Variants in TP63 observed in about 807,000 individuals in gnomAD.
TP63 encodes the protein tumor protein 63.
TP63 carries 17 observed loss-of-function variants against 82.8 expected under a neutral mutation model. The observed-to-expected ratio is 0.21, with a 90% CI of 0.14 to 0.31. The LOEUF is 0.31. Among genes scored for constraint, TP63 ranks in the 10% least tolerant of loss-of-function variants. TP63 has a pLI of 1.00. For synonymous variants in TP63, 330 were observed against 321.7 expected, an observed-to-expected ratio of 1.03 and a Z score of -0.28; for missense variants, 648 against 895.3, an observed-to-expected ratio of 0.72 and a Z score of 3.52.
chr3:189,771,302 A>T (rs866595011), intron 3 of TP63, among the ~76,000 whole-genome samples: 15 of 123,376 alleles, frequency 1.2e-4, no homozygotes, highest in East Asian at 9.9e-4. Flanking sequence ...TATTATATTT[A>T]TATATATAAT....
intron 3 of TP63, among the ~76,000 whole-genome samples, chr3:189,785,818 G>GA (rs373738900): frequency 2.4e-4 from 36 of 152,168 alleles, no homozygotes; most frequent in African/African-American, 8.4e-4. Context: ...GAAAGATGAA[G>GA]TTATATAGTG....
chr3:189,886,337 T>G, intron 10 of TP63, 57 bp from the exon 11 acceptor site: 1 of 1,578,492 alleles, frequency 6.3e-7, no homozygotes, highest in Non-Finnish European at 8.7e-7. Flanking sequence ...TGAAAATCAA[T>G]AGTCCCCACT....
At chr3:189,681,215 C>T (rs1474337939) in intron 1 of TP63, among the ~76,000 whole-genome samples, 2 of 149,456 alleles carry the variant, frequency 1.3e-5, no homozygotes, top group African/African-American at 4.9e-5. Context: ...TCTTTTCTTA[C>T]TTCTGTGCTC....
chr3:189,887,382 C>G (rs1327165130), intron 11 of TP63, among the ~76,000 whole-genome samples: 1 of 152,114 alleles, frequency 6.6e-6, no homozygotes, highest in African/African-American at 2.4e-5. Flanking sequence ...CTTTTAAACT[C>G]ACCTATTCTA....
At chr3:189,874,947 G>C (rs963734226) in intron 10 of TP63, among the ~76,000 whole-genome samples, 1 of 148,900 alleles carries the variant, frequency 6.7e-6, no homozygotes, top group African/African-American at 2.5e-5. Context: ...AATATATCAT[G>C]CTGAACTAGT....
chr3:189,628,960 T>G, upstream of TP63, among the ~76,000 whole-genome samples: 1 of 152,162 alleles, frequency 6.6e-6, no homozygotes, highest in East Asian at 1.9e-4. Flanking sequence ...TAAAATTTGT[T>G]GCCATTTAAT....
At chr3:189,734,480 T>G (rs997193525) in intron 1 of TP63, among the ~76,000 whole-genome samples, 2 of 152,198 alleles carry the variant, frequency 1.3e-5, no homozygotes, top group African/African-American at 2.4e-5. Flanking sequence ...AGTATTGTTT[T>G]TATCTATTTT....
chr3:189,675,718 C>G (rs1040170373), intron 1 of TP63, among the ~76,000 whole-genome samples: 4 of 152,082 alleles, frequency 2.6e-5, no homozygotes, highest in African/African-American at 9.7e-5. Flanking sequence ...CCCCCTCACC[C>G]ACCACTGTGC....
At chr3:189,712,124 T>C (rs764382324) in intron 1 of TP63, among the ~76,000 whole-genome samples, 1 of 152,116 alleles carries the variant, frequency 6.6e-6, no homozygotes, top group Non-Finnish European at 1.5e-5. Context: ...GCACAAACAC[T>C]ACAATAGGCA....
At chr3:189,842,606 TG>T (rs1714299611) in intron 4 of TP63, among the ~76,000 whole-genome samples, 1 of 152,186 alleles carries the variant, frequency 6.6e-6, no homozygotes, top group Non-Finnish European at 1.5e-5. Context: ...AGCACATAGA[TG>T]TCCAGTAGTC....
intron 4 of TP63, among the ~76,000 whole-genome samples, chr3:189,855,422 C>T (rs571431752): frequency 6.6e-6 from 1 of 152,016 alleles, no homozygotes; most frequent in Non-Finnish European, 1.5e-5. Context: ...TACATTGACT[C>T]AATTACTCTG....
intron 10 of TP63, among the ~76,000 whole-genome samples, chr3:189,884,876 A>C (rs1310913895): frequency 6.6e-6 from 1 of 152,108 alleles, no homozygotes; most frequent in African/African-American, 2.4e-5. Context: ...AGCCTTCCTT[A>C]TTTTCATGTA....
chr3:189,884,944 T>C (rs1409371679), intron 10 of TP63, among the ~76,000 whole-genome samples: 1 of 152,208 alleles, frequency 6.6e-6, no homozygotes, highest in Admixed American at 6.5e-5. Flanking sequence ...TTGCAGCACC[T>C]AAGTGCTAGG....
intron 10 of TP63, among the ~76,000 whole-genome samples, chr3:189,875,481 G>A (rs974603276): frequency 6.0e-5 from 9 of 150,368 alleles, no homozygotes; most frequent in Admixed American, 2.0e-4. Flanking sequence ...CAGAAGAATC[G>A]CTTGAACCTG....
At chr3:189,644,243 C>A (rs190614226) in intron 1 of TP63, among the ~76,000 whole-genome samples, 86 of 151,214 alleles carry the variant, frequency 5.7e-4, no homozygotes, top group African/African-American at 2.0e-3. Flanking sequence ...CAAGTCCCTT[C>A]CCCTCTCTCA....
At chr3:189,682,549 AAAAAATATATATATATATATATATAT>A (rs1436521682) in intron 1 of TP63, among the ~76,000 whole-genome samples, 2,946 of 30,338 alleles carry the variant, frequency 0.097, 140 homozygotes, top group East Asian at 0.24. Context: ...AAAAAAAAAA[AAAAAATATATATATATATATATATAT>A]ATATATATAT....
At chr3:189,597,641 T>C in the TP63 span, among the ~76,000 whole-genome samples, 1 of 152,192 alleles carries the variant, frequency 6.6e-6, no homozygotes, top group Non-Finnish European at 1.5e-5. Flanking sequence ...ATAGCTAGAA[T>C]TGGCCTGGTG....
intron 1 of TP63, among the ~76,000 whole-genome samples, chr3:189,634,434 G>A (rs745529276): frequency 6.6e-6 from 1 of 151,296 alleles, no homozygotes; most frequent in Non-Finnish European, 1.5e-5. Context: ...TTCAAAGGAT[G>A]ATGGTAATCA....
intron 4 of TP63, among the ~76,000 whole-genome samples, chr3:189,811,712 A>G (rs1395816423): frequency 2.6e-5 from 4 of 152,218 alleles, no homozygotes; most frequent in African/African-American, 9.6e-5. Flanking sequence ...AGTTTTATAG[A>G]TGAGGAAACT....
Sources: allele counts gnomAD v4.1 joint callset (sites outside exome capture counted in the v4.1 genomes callset), GRCh38; gene constraint gnomAD v4.1.1; transcripts MANE v1.5; gene names NCBI Gene and HGNC (gene_info 2026-07-23, HGNC 2026-07-21).